Variants in EPHA6 observed in about 807,000 individuals in gnomAD.
EPHA6 encodes the protein ephrin type-A receptor 6.
Under a neutral mutation model 112.0 loss-of-function variants are expected in EPHA6, and 50 were observed. The observed-to-expected ratio is 0.45, with a 90% CI of 0.36 to 0.56. EPHA6 has a LOEUF of 0.56. EPHA6 is among the 20% of genes least tolerant of loss of function. The pLI is 0.00. For missense variants in EPHA6, 1,280 were observed against 1,417.4 expected, an observed-to-expected ratio of 0.90 and a Z score of 1.56; for synonymous variants, 529 against 490.7, an observed-to-expected ratio of 1.08 and a Z score of -1.03.
At chr3:97,121,932 G>A (rs1212849357) in intron 3 of EPHA6, among the ~76,000 whole-genome samples, 1 of 151,864 alleles carries the variant, frequency 6.6e-6, no homozygotes, top group Non-Finnish European at 1.5e-5. Flanking sequence ...TCTTGGTCTG[G>A]TCCCCCATAT....
chr3:96,915,504 A>G (rs2039438838), intron 2 of EPHA6, among the ~76,000 whole-genome samples: 1 of 152,078 alleles, frequency 6.6e-6, no homozygotes. Context: ...TATTTTACCT[A>G]TATTTTCAAA....
At chr3:97,663,333 A>G (rs1369275306) in intron 14 of EPHA6, among the ~76,000 whole-genome samples, 2 of 148,456 alleles carry the variant, frequency 1.3e-5, no homozygotes, top group South Asian at 2.1e-4. Flanking sequence ...TTCTTTTTTT[A>G]TATATACTTT....
intron 3 of EPHA6, among the ~76,000 whole-genome samples, chr3:97,060,699 C>T (rs1322241131): frequency 2.0e-5 from 3 of 151,764 alleles, no homozygotes; most frequent in Admixed American, 2.0e-4. Flanking sequence ...ATCACGAGGT[C>T]AGGAGATCGA....
intron 2 of EPHA6, among the ~76,000 whole-genome samples, chr3:96,918,084 C>G (rs529467205): frequency 5.3e-5 from 8 of 152,110 alleles, no homozygotes; most frequent in African/African-American, 1.9e-4. Flanking sequence ...ACCCCCATCC[C>G]ACCTTTACAA....
chr3:97,651,514 A>C (rs1486142220), intron 14 of EPHA6, among the ~76,000 whole-genome samples: 1 of 152,108 alleles, frequency 6.6e-6, no homozygotes, highest in East Asian at 1.9e-4. Flanking sequence ...TCTGCAATAC[A>C]TCTAGTCCTT....
At chr3:97,624,397 A>T (rs1379063772) in intron 13 of EPHA6, among the ~76,000 whole-genome samples, 1 of 151,482 alleles carries the variant, frequency 6.6e-6, no homozygotes, top group Non-Finnish European at 1.5e-5. Flanking sequence ...ATTTGAATTA[A>T]TTCAATTTGG....
intron 15 of EPHA6, among the ~76,000 whole-genome samples, chr3:97,722,115 G>C (rs965222197): frequency 1.3e-5 from 2 of 152,010 alleles, no homozygotes; most frequent in Admixed American, 6.6e-5. Flanking sequence ...CTCCCTAATT[G>C]GTATTCTATT....
intron 3 of EPHA6, among the ~76,000 whole-genome samples, chr3:97,007,051 A>G (rs1441215499): frequency 3.9e-5 from 6 of 152,192 alleles, no homozygotes; most frequent in Admixed American, 1.3e-4. Flanking sequence ...AATAAGTGCC[A>G]TGTGGCACTG....
At chr3:97,669,940 A>G (rs899832050) in intron 14 of EPHA6, among the ~76,000 whole-genome samples, 5 of 152,144 alleles carry the variant, frequency 3.3e-5, no homozygotes, top group Admixed American at 1.3e-4. Flanking sequence ...GCATTTGCCT[A>G]TTTCTCTGGA....
intron 5 of EPHA6, among the ~76,000 whole-genome samples, chr3:97,397,448 T>C (rs2086757843): frequency 6.6e-6 from 1 of 151,692 alleles, no homozygotes; most frequent in African/African-American, 2.4e-5. Flanking sequence ...TCTGCAGCTT[T>C]CATATATGGA....
At chr3:97,677,474 A>C (rs538935343) in intron 14 of EPHA6, among the ~76,000 whole-genome samples, 1 of 151,980 alleles carries the variant, frequency 6.6e-6, no homozygotes, top group African/African-American at 2.4e-5. Flanking sequence ...CAATCCTAGC[A>C]TTTTGGGAGG....
Position 97,484,675 on chromosome 3 carries a change from C to T in EPHA6, c.2200+616C>T, listed in dbSNP as rs182706006. On this transcript the variant is annotated intron_variant, in intron 10 of 17. Transcript: ENST00000389672. ...GACTCCAGAATACAGATTTATTCCT[C>T]TTTCAGATGCTTGACCCAAGGTGAA... Among the ~76,000 whole-genome samples the T allele has an allele frequency of 7.2e-5, 11 of 152,314 alleles. No individual in the cohort carries two copies. The East Asian group carries it at 2.1e-3, about 29-fold the overall frequency.
At position 97,593,229 on chromosome 3, in the gene EPHA6, T is replaced by C. The variant is rs529202110; in HGVS notation, c.2512+492T>C. The stretch of plus-strand genomic sequence containing the variant: ...ACATATTTTAGAATAAAAATTAATA[T>C]GCATTTTTCCCTAAAAATGCCAATC... On this transcript the variant is annotated intron_variant, in intron 12 of 17. Transcript: ENST00000389672. 1.7e-3 allele frequency among the ~76,000 whole-genome samples: 256 copies of C among 152,288 alleles called. 1 individual carries two copies. The highest frequency in any genetic ancestry group is 2.8e-3 in the Non-Finnish European group (193 of 68,022).
chr3:96,899,053 C>CA (rs142436863), intron 2 of EPHA6, among the ~76,000 whole-genome samples: 7,031 of 129,644 alleles, frequency 0.054, 484 homozygotes, highest in African/African-American at 0.17. Context: ...AACAAACAAA[C>CA]AAAAAAAAAA....
intron 8 of EPHA6, 22 bp downstream of exon 8, chr3:97,475,482 A>G: frequency 2.0e-6 from 3 of 1,503,688 alleles, no homozygotes; most frequent in Non-Finnish European, 1.8e-6. Context: ...ATACCATACT[A>G]TTTCCGAGAT....
chr3:96,956,768 T>C (rs905662317), intron 2 of EPHA6, among the ~76,000 whole-genome samples: 4 of 152,054 alleles, frequency 2.6e-5, no homozygotes, highest in African/African-American at 9.7e-5. Context: ...GGTGCAGTGG[T>C]TCAGGCCTGT....
chr3:96,965,984 A>G (rs1003469715), intron 2 of EPHA6, among the ~76,000 whole-genome samples: 3 of 152,156 alleles, frequency 2.0e-5, no homozygotes, highest in Non-Finnish European at 4.4e-5. Flanking sequence ...ATTCTGTTCC[A>G]TGATCTATTT....
chr3:97,603,633 C>T (rs1016710169), intron 12 of EPHA6, among the ~76,000 whole-genome samples: 1 of 151,626 alleles, frequency 6.6e-6, no homozygotes. Flanking sequence ...ATGTTACAGG[C>T]AAAAATCTGT....
At chr3:97,538,578 C>T (rs1198645232) in intron 11 of EPHA6, among the ~76,000 whole-genome samples, 2 of 151,990 alleles carry the variant, frequency 1.3e-5, no homozygotes, top group Non-Finnish European at 2.9e-5. Flanking sequence ...GATGAGATTA[C>T]CCAGAAGATT....
Sources: gnomAD v4.1 joint callset for allele counts (sites outside exome capture counted in the v4.1 genomes callset) on GRCh38, gnomAD v4.1.1 for gene constraint, MANE v1.5 for transcripts, NCBI Gene and HGNC (gene_info 2026-07-23, HGNC 2026-07-21) for gene names.